Variants in EDARADD observed in about 807,000 individuals in gnomAD.
EDARADD encodes the protein EDAR associated via death domain.
Under a neutral mutation model 25.6 loss-of-function variants are expected in EDARADD, and 20 were observed. The observed-to-expected ratio is 0.78, with a 90% confidence interval of 0.55 to 1.14. The LOEUF (loss-of-function observed/expected upper bound fraction) is 1.14. Ranked by LOEUF, EDARADD falls within the 50% of genes most tolerant of loss-of-function variation. The pLI is 0.00. For synonymous variants in EDARADD, 86 were observed against 94.4 expected, an observed-to-expected ratio of 0.91 and a Z score of 0.52; for missense variants, 225 against 270.1, an observed-to-expected ratio of 0.83 and a Z score of 1.17.
chr1:236,364,378 A>G (rs1667087171), intron 3 of EDARADD, among the ~76,000 whole-genome samples: 2 of 152,170 alleles, frequency 1.3e-5, no homozygotes. Context: ...TGCCCACTCT[A>G]TAAACTCTGC....
At chr1:236,377,708 A>C (rs950404847) in intron 3 of EDARADD, among the ~76,000 whole-genome samples, 1 of 151,576 alleles carries the variant, frequency 6.6e-6, no homozygotes, top group Non-Finnish European at 1.5e-5. Context: ...AAATACAAAA[A>C]TTAGCTGGGC....
chr1:236,422,391 T>C (rs1156305702), intron 3 of EDARADD, among the ~76,000 whole-genome samples: 1 of 152,200 alleles, frequency 6.6e-6, no homozygotes, highest in Non-Finnish European at 1.5e-5. Flanking sequence ...AGTTTGGGTG[T>C]ATTTGAGGCA....
chr1:236,382,593 T>C (rs6673040), intron 3 of EDARADD, among the ~76,000 whole-genome samples: 1 of 152,070 alleles, frequency 6.6e-6, no homozygotes, highest in East Asian at 1.9e-4. Flanking sequence ...ACCTCCTCTT[T>C]AGCTTTGTCC....
Position 236,483,679 on chromosome 1 carries a change from C to T in EDARADD, c.*1030C>T. 6.4e-7 allele frequency: 1 copy of T among 1,570,824 alleles called. No homozygotes were observed. Among genetic ancestry groups the T allele is most frequent in the South Asian group, 1.1e-5 (1 of 90,220 alleles). The stretch of plus-strand genomic sequence containing the variant: ...GCCATGCAGGAGTTCATGGTCCTCC[C>T]AGTCGGTGCAGCAAACTTCAGGGAA... On this transcript the variant is annotated 3_prime_UTR_variant, in exon 6 of 6. Transcript: ENST00000334232.
chr1:236,403,428 C>T (rs1248261434), intron 1 of EDARADD, among the ~76,000 whole-genome samples: 3 of 152,064 alleles, frequency 2.0e-5, no homozygotes, highest in Non-Finnish European at 1.5e-5. Flanking sequence ...GCTGGGACTA[C>T]AGGTGCCCGC....
At chr1:236,349,687 G>A (rs748583522) in intron 2 of EDARADD, among the ~76,000 whole-genome samples, 2 of 147,318 alleles carry the variant, frequency 1.4e-5, no homozygotes, top group Non-Finnish European at 3.0e-5. Flanking sequence ...TGTAGAGGAA[G>A]TTCTCCGATA....
At chr1:236,457,243 CG>C (rs1048180339) in intron 4 of EDARADD, among the ~76,000 whole-genome samples, 1 of 152,134 alleles carries the variant, frequency 6.6e-6, no homozygotes, top group Non-Finnish European at 1.5e-5. Context: ...TTACCGGGCA[CG>C]GGGGCTCACG....
At chr1:236,412,108 CCTG>C (rs1247038978) in intron 2 of EDARADD, among the ~76,000 whole-genome samples, 1 of 152,178 alleles carries the variant, frequency 6.6e-6, no homozygotes, top group Non-Finnish European at 1.5e-5. Context: ...CCACTGCTCA[CCTG>C]CTGACCCAGC....
intron 3 of EDARADD, among the ~76,000 whole-genome samples, chr1:236,358,621 A>G (rs1356646905): frequency 1.3e-5 from 2 of 152,118 alleles, no homozygotes; most frequent in Admixed American, 6.6e-5. Context: ...TCTTAATTTC[A>G]TTATTTACCC....
chr1:236,470,113 C>T (rs549440474), intron 5 of EDARADD, among the ~76,000 whole-genome samples: 14 of 152,216 alleles, frequency 9.2e-5, no homozygotes, highest in Middle Eastern at 3.4e-3. Context: ...TATTTTCTTT[C>T]CACTATCCTA....
chr1:236,393,396 T>C (rs1240274989), upstream of EDARADD, among the ~76,000 whole-genome samples: 6 of 123,656 alleles, frequency 4.9e-5, no homozygotes, highest in African/African-American at 1.6e-4. Context: ...TCTTTCTTTT[T>C]TTTTTTTTTT....
upstream of EDARADD, among the ~76,000 whole-genome samples, chr1:236,390,610 GA>G (rs1267135976): frequency 6.6e-5 from 10 of 151,902 alleles, no homozygotes; most frequent in South Asian, 2.1e-4. Context: ...ATAACGTATG[GA>G]AAAAAAATTC....
In EDARADD at chr1:236,395,084, C is replaced by T. The variant is rs577895503; in HGVS notation, c.61+579C>T. 3.3e-5 allele frequency among the ~76,000 whole-genome samples: 5 copies of T among 152,348 alleles called. No individual in the cohort carries two copies. The East Asian group carries it at 9.6e-4, about 29-fold the overall frequency. The stretch of plus-strand genomic sequence containing the variant: ...ATTTGTCTAAATATCAGATCGCCGG[C>T]GGGCATCTCAGCCCAGGCCTGTGTA... On this transcript the variant is annotated intron_variant, in intron 1 of 5. Coordinates refer to ENST00000334232, the MANE Select transcript of EDARADD (RefSeq NM_145861.4). This position sits in a 1 kb window ranked among gnomAD's most constrained non-coding sequence, Gnocchi z 6.9.
chr1:236,381,800 G>GTTTT (rs1558105353), intron 3 of EDARADD, among the ~76,000 whole-genome samples: 56 of 16,896 alleles, frequency 3.3e-3, no homozygotes, highest in South Asian at 6.5e-3. Context: ...TCCTGTGGTT[G>GTTTT]CTTTTTTTTT....
intron 3 of EDARADD, among the ~76,000 whole-genome samples, chr1:236,427,020 T>C (rs1290505119): frequency 6.6e-6 from 1 of 152,194 alleles, no homozygotes; most frequent in Non-Finnish European, 1.5e-5. Flanking sequence ...TAGCTAGGAT[T>C]ACAGGCATGC....
At position 236,427,383 on chromosome 1, in the gene EDARADD, T is replaced by A; in HGVS notation, c.161-9T>A. The A allele has an allele frequency of 5.0e-6, 8 of 1,608,780 alleles. No individual in the cohort carries two copies. The highest frequency in any genetic ancestry group is 6.8e-6 in the Non-Finnish European group (8 of 1,177,818). On this transcript the variant is annotated splice_polypyrimidine_tract_variant and intron_variant, in intron 3 of 5. Coordinates refer to ENST00000334232, the MANE Select transcript of EDARADD (RefSeq NM_145861.4). ...TGTTTCTTTCTTTCTTTCTTTTTTT[T>A]TTTCCTAGCTGAAGAATGTGATACA...
intron 1 of EDARADD, among the ~76,000 whole-genome samples, chr1:236,405,863 TTCC>T (rs2103006136): frequency 2.4e-4 from 14 of 57,980 alleles, no homozygotes; most frequent in African/African-American, 7.8e-4. Flanking sequence ...CCTTCCTTCC[TTCC>T]TTCCTTCCTT....
upstream of EDARADD, among the ~76,000 whole-genome samples, chr1:236,390,637 G>A (rs1440701155): frequency 6.6e-6 from 1 of 152,166 alleles, no homozygotes; most frequent in Non-Finnish European, 1.5e-5. Context: ...TGTTTCTCCT[G>A]CATTTGGATG....
Position 236,454,313 on chromosome 1 carries a change from A to G in EDARADD, c.220-13918A>G, listed in dbSNP as rs866084769. ...TCTGCCCGCCTTGGCCTCCCAAAGT[A>G]CTGGGATTACAGGCGTGAGCCACCG... On this transcript the variant is annotated intron_variant, in intron 4 of 5. Coordinates refer to ENST00000334232, the MANE Select transcript of EDARADD (RefSeq NM_145861.4). Among the ~76,000 whole-genome samples, 65 of 152,060 alleles carry G rather than the reference A, an allele frequency of 4.3e-4. 3 individuals carry two copies. The highest frequency in any genetic ancestry group is 1.3e-3 in the African/African-American group (56 of 41,488).
Sources: gnomAD v4.1 joint callset for allele counts (sites outside exome capture counted in the v4.1 genomes callset) on GRCh38, gnomAD v4.1.1 for gene constraint, Gnocchi (gnomAD v3.1) non-coding constraint, MANE v1.5 for transcripts, NCBI Gene and HGNC (gene_info 2026-07-23, HGNC 2026-07-21) for gene names.